SARS2: variants seen among roughly 807,000 people sequenced by gnomAD.
The protein encoded by SARS2 is serine--tRNA ligase, mitochondrial.
SARS2 carries 52 observed loss-of-function variants against 66.8 expected under a neutral mutation model. That is an observed-to-expected ratio of 0.78 (90% confidence interval 0.62 to 0.98). The LOEUF is 0.98. SARS2 is among the 50% of genes least tolerant of loss of function. SARS2 has a pLI of 0.00. For synonymous variants in SARS2, 306 were observed against 281.4 expected, an observed-to-expected ratio of 1.09 and a Z score of -0.87; for missense variants, 673 against 706.3, an observed-to-expected ratio of 0.95 and a Z score of 0.53.
In SARS2 at chr19:38,916,227, A is replaced by G. The variant is rs1293589610; in HGVS notation, c.1248T>C (p.Phe416=). The stretch of plus-strand genomic sequence containing the variant: ...CCAGCGGCACAGGGCTCACCTCTCC[A>G]AAGCGGCCTCGGCCTGGCATCCAGG... ...IEAWMPGRGR[F]GEVTSASNCT... is the part of the protein sequence containing the mutation. Residue 416 remains phenylalanine (F), a synonymous_variant, in exon 13 of 16, where the codon TTT becomes TTC. Coordinates refer to ENST00000221431, the MANE Select transcript of SARS2 (RefSeq NM_017827.4). 5.6e-6 allele frequency: 9 copies of G among 1,613,868 alleles called. No individual in the cohort carries two copies. Among genetic ancestry groups the G allele is most frequent in the African/African-American group, 2.7e-5 (2 of 74,908 alleles).
rs1016344728 is a variant in SARS2, at chr19:38,926,257, C to T, written c.311G>A (p.Arg104Gln). The T allele has an allele frequency of 8.7e-6, 14 of 1,605,950 alleles. No individual in the cohort carries two copies. Among genetic ancestry groups the T allele is most frequent in the East Asian group, 6.7e-5 (3 of 44,898 alleles). The change falls in exon 2 of 16, where the codon CGG becomes CAG. Residue 104 changes from arginine to glutamine, a missense_variant. By Grantham distance (43) the Arg-to-Gln change is conservative. Transcript: ENST00000221431. Reference sequence around the variant, plus strand: ...AGCTGCCTTCTCTTCCTCCAGGCTCCGGATCTGCTCCTGCAGCTGCCTCAG... The same window carrying T: ...AGCTGCCTTCTCTTCCTCCAGGCTCTGGATCTGCTCCTGCAGCTGCCTCAG... ...QELRQLQEQI[R>Q]SLEEEKAAVT...
rs151125003 is a variant in SARS2, at chr19:38,915,747, G to A, written c.1416C>T (p.Asp472=). The change falls in exon 16 of 16, where the codon GAC becomes GAT. Residue 472 remains aspartate, a splice_region_variant and synonymous_variant. Coordinates refer to ENST00000221431, the MANE Select transcript of SARS2 (RefSeq NM_017827.4). ...GGGCAGGGGGCACGAGCACTGAGCCGTCCTGGGGACAGAGCAGACCTCAGG... is the reference window on the plus strand; with the variant it reads ...GGGCAGGGGGCACGAGCACTGAGCCATCCTGGGGACAGAGCAGACCTCAGG... The part of the protein sequence containing the change: ...IALLESNQQK[D]GSVLVPPALQ... 1.9e-5 allele frequency: 30 copies of A among 1,613,330 alleles called. No individual in the cohort carries two copies. The highest frequency in any genetic ancestry group is 1.7e-4 in the Middle Eastern group (1 of 6,030).
Position 38,915,483 on chromosome 19 carries a change from G to A in SARS2, c.*123C>T. ...TGGACCCCGTGGTCCAGGGGCCCGG[G>A]CGTGGAGCTGACAGGAAGAACACAG... On this transcript the variant is annotated 3_prime_UTR_variant, in exon 16 of 16. Transcript: ENST00000221431. 3.4e-6 allele frequency: 4 copies of A among 1,191,716 alleles called. No individual in the cohort carries two copies. Among genetic ancestry groups the A allele is most frequent in the Non-Finnish European group, 4.8e-6 (4 of 834,110 alleles). 73.8% of individuals were successfully genotyped at this position (1,191,716 alleles called of 1,614,324 possible).
chr19:38,930,455 C>T lies in SARS2; in HGVS notation c.267+15G>A, dbSNP rs749015883. On this transcript the variant is annotated intron_variant, in intron 1 of 15. Coordinates refer to ENST00000221431, the MANE Select transcript of SARS2 (RefSeq NM_017827.4). ...GCAAACGTCTGCGCCCCCCGGCCGG[C>T]GCAGGCGCACTCACGATCGCGGGCA... is the stretch of plus-strand genomic sequence containing the variant. 9.4e-6 allele frequency: 15 copies of T among 1,589,408 alleles called. No individual in the cohort carries two copies. The Admixed American group carries it at 2.6e-4, about 27-fold the overall frequency.
chr19:38,922,172 G>C, intron 3 of SARS2, 66 bp downstream of exon 3: 9 of 1,599,244 alleles, frequency 5.6e-6, no homozygotes, highest in Non-Finnish European at 6.9e-6. Context: ...TAGTAGAATC[G>C]TGACTGGCAG....
chr19:38,915,617 C>G lies in SARS2; in HGVS notation c.1546G>C (p.Ala516Pro). The change falls in exon 16 of 16, where the codon GCT becomes CCT. Residue 516 changes from alanine to proline, a missense_variant. Transcript: ENST00000221431. ...CTGTGGGTGGGTTCTTAGCTTACAG[C>G]AGGCTGGCCAGGCAGCCCAGGCTTC... is the stretch of plus-strand genomic sequence containing the variant. The part of the protein sequence containing the change: ...PRKPGLPGQP[A>P]VS The G allele has an allele frequency of 6.2e-7, 1 of 1,612,446 alleles. No individual in the cohort carries two copies. The highest frequency in any genetic ancestry group is 8.5e-7 in the Non-Finnish European group (1 of 1,179,784).
chr19:38,923,354 T>C (rs1646071249), intron 2 of SARS2, among the ~76,000 whole-genome samples: 1 of 146,740 alleles, frequency 6.8e-6, no homozygotes, highest in Non-Finnish European at 1.5e-5. Flanking sequence ...CCCTAGTAGC[T>C]GGGACTACAG....
Position 38,918,139 on chromosome 19 carries a change from C to G in SARS2, c.917G>C (p.Gly306Ala). The part of the protein sequence containing the change: ...LAGTAEVGLA[G>A]YFMDHTVAFR... Reference sequence around the variant, plus strand: ...GGCCACGGTGTGGTCCATGAAGTAGCCTGGGAGGAGAGACCACAGGGTGAG... The same window carrying G: ...GGCCACGGTGTGGTCCATGAAGTAGGCTGGGAGGAGAGACCACAGGGTGAG... Residue 306 changes from glycine (G) to alanine (A), a missense_variant and splice_region_variant, in exon 10 of 16, where the codon GGC becomes GCC. Transcript: ENST00000221431. 6.3e-7 allele frequency: 1 copy of G among 1,596,220 alleles called. No homozygotes were observed. The highest frequency in any genetic ancestry group is 8.5e-7 in the Non-Finnish European group (1 of 1,171,710).
At position 38,918,416 on chromosome 19, in the gene SARS2, C is replaced by T. The variant is rs772633018; in HGVS notation, c.916+6G>A. The T allele has an allele frequency of 6.2e-7, 1 of 1,610,766 alleles. No individual in the cohort carries two copies. Among genetic ancestry groups the T allele is most frequent in the Non-Finnish European group, 8.5e-7 (1 of 1,176,946 alleles). On this transcript the variant is annotated splice_donor_region_variant and intron_variant, in intron 9 of 15. Coordinates refer to ENST00000221431, the MANE Select transcript of SARS2 (RefSeq NM_017827.4). Reference sequence around the variant, plus strand: ...GCTCCTCCCCACCACCCACACAGGTCCTCACCTGCAAGCCCCACCTCCGCT... The same window carrying T: ...GCTCCTCCCCACCACCCACACAGGTTCTCACCTGCAAGCCCCACCTCCGCT...
intron 3 of SARS2, chr19:38,921,944 C>A (rs1364616191): frequency 3.2e-6 from 5 of 1,540,288 alleles, no homozygotes; most frequent in Non-Finnish European, 4.4e-6. Flanking sequence ...TGAGAATCAG[C>A]CCCAGGACTT....
At chr19:38,918,616 GA>G in intron 8 of SARS2, 86 bp from the exon 9 acceptor site, 1 of 1,392,860 alleles carries the variant, frequency 7.2e-7, no homozygotes, top group Non-Finnish European at 1.0e-6. Flanking sequence ...CTCCTCCCCT[GA>G]AAACATCTGG....
rs1305009336 is a variant in SARS2 at position 38,915,594 on chromosome 19, G to A, written c.*12C>T. ...AGCAGTGACACCCCCGAGGGCTGCT[G>A]TGGGTGGGTTCTTAGCTTACAGCAG... On this transcript the variant is annotated 3_prime_UTR_variant, in exon 16 of 16. Coordinates refer to ENST00000221431, the MANE Select transcript of SARS2 (RefSeq NM_017827.4). 13 of 1,611,116 alleles carry A rather than the reference G, an allele frequency of 8.1e-6. No homozygotes were observed. The highest frequency in any genetic ancestry group is 2.1e-4 in the Middle Eastern group (1 of 4,836).
Position 38,930,498 on chromosome 19 carries a change from T to A in SARS2, c.239A>T (p.Glu80Val). The A allele has an allele frequency of 6.2e-7, 1 of 1,605,132 alleles. No homozygotes were observed. The highest frequency in any genetic ancestry group is 8.5e-7 in the Non-Finnish European group (1 of 1,174,474). ...CGCGGGCAGGTCCGCCGAGCGCAGC[T>A]CCCCCTTGCGGAGCTCCAGGGCGTG... ...AAHALELRKG[E>V]LRSADLPAII... is the part of the protein sequence containing the mutation. Residue 80 changes from glutamate to valine, a missense_variant, in exon 1 of 16, where the codon GAG becomes GTG. Physicochemically the swap from Glu to Val is moderately radical, Grantham distance 121 (BLOSUM62 -2). Coordinates refer to ENST00000221431, the MANE Select transcript of SARS2 (RefSeq NM_017827.4).
At chr19:38,919,937 G>A (rs1435137561) in intron 6 of SARS2, 70 bp from the exon 7 acceptor site, 18 of 1,447,818 alleles carry the variant, frequency 1.2e-5, no homozygotes, top group African/African-American at 4.2e-5. Flanking sequence ...GAAAACACCC[G>A]GGGGAAGAGG....
intron 8 of SARS2, 28 bp from the exon 9 acceptor site, chr19:38,918,558 T>A (rs199981080): frequency 1.4e-5 from 22 of 1,562,194 alleles, no homozygotes; most frequent in Non-Finnish European, 1.9e-5. Context: ...GCCACAGGGA[T>A]CAGGGGACAG....
At chr19:38,915,776 C>G in intron 15 of SARS2, 27 bp from the exon 16 acceptor site, 1 of 1,612,860 alleles carries the variant, frequency 6.2e-7, no homozygotes, top group Non-Finnish European at 8.5e-7. Flanking sequence ...CCTCAGGACA[C>G]TGCAGATGCC....
intron 2 of SARS2, among the ~76,000 whole-genome samples, chr19:38,924,086 C>T (rs958192374): frequency 1.3e-5 from 2 of 150,648 alleles, no homozygotes; most frequent in Admixed American, 6.6e-5. Context: ...GAGCCGAGAT[C>T]GTGCCACTGT....
chr19:38,929,380 C>A (rs974243789), intron 1 of SARS2, among the ~76,000 whole-genome samples: 2 of 151,436 alleles, frequency 1.3e-5, no homozygotes, highest in Non-Finnish European at 2.9e-5. Flanking sequence ...CATAGTATGT[C>A]CCTGTCTCAA....
rs1013313312 is a variant in SARS2, at chr19:38,921,307, C to T, written c.589+85G>A. 197 of 1,430,964 alleles carry T rather than the reference C, an allele frequency of 1.4e-4. No individual in the cohort carries two copies. The African/African-American group carries it at 2.1e-3, about 16-fold the overall frequency. 88.6% of individuals were successfully genotyped at this position (1,430,964 alleles called of 1,614,324 possible). ...AGTTCTCCAGGCTCCAGACATGTTC[C>T]CAGACCCCAGGGGCCCCCACCCCGA... On this transcript the variant is annotated intron_variant, in intron 5 of 15. Transcript: ENST00000221431.
Sources: gnomAD v4.1 joint callset for allele counts (sites outside exome capture counted in the v4.1 genomes callset) on GRCh38, gnomAD v4.1.1 for gene constraint, MANE v1.5 for transcripts, NCBI Gene and HGNC (gene_info 2026-07-23, HGNC 2026-07-21) for gene names.